Variants in PRKG1 observed in about 807,000 individuals in gnomAD.
The protein encoded by PRKG1 is protein kinase cGMP-dependent 1.
PRKG1 carries 35 observed loss-of-function variants against 88.1 expected under a neutral mutation model. The observed-to-expected ratio is 0.40, with a 90% CI of 0.30 to 0.53. The LOEUF (loss-of-function observed/expected upper bound fraction) is 0.53. Ranked by LOEUF, PRKG1 falls within the 20% of genes least tolerant of loss-of-function variation. PRKG1 has a pLI of 0.59. For synonymous variants in PRKG1, 303 were observed against 292.5 expected, an observed-to-expected ratio of 1.04 and a Z score of -0.37; for missense variants, 540 against 839.8, an observed-to-expected ratio of 0.64 and a Z score of 4.41.
chr10:51,467,120 C>T (rs912658185), intron 2 of PRKG1, among the ~76,000 whole-genome samples: 2 of 151,956 alleles, frequency 1.3e-5, no homozygotes, highest in Non-Finnish European at 2.9e-5. Flanking sequence ...TTTCCAAGTC[C>T]TTTATCAAAC....
intron 3 of PRKG1, among the ~76,000 whole-genome samples, chr10:51,558,492 G>T (rs1339052324): frequency 6.6e-6 from 1 of 152,072 alleles, no homozygotes; most frequent in African/African-American, 2.4e-5. Context: ...CAATAGAAGT[G>T]TTCTTGCCGG....
intron 3 of PRKG1, among the ~76,000 whole-genome samples, chr10:51,681,126 G>T (rs1840839874): frequency 2.0e-5 from 3 of 152,098 alleles, no homozygotes; most frequent in South Asian, 4.1e-4. Context: ...AAGATAACTT[G>T]TGTCCTTTTT....
At chr10:52,257,413 G>A (rs1053358942) in intron 10 of PRKG1, among the ~76,000 whole-genome samples, 3 of 140,070 alleles carry the variant, frequency 2.1e-5, no homozygotes, top group African/African-American at 7.4e-5. Flanking sequence ...GTCTTATTGC[G>A]AAAGGTGAGC....
chr10:52,109,850 T>C (rs2132586280), intron 7 of PRKG1, among the ~76,000 whole-genome samples: 1 of 152,078 alleles, frequency 6.6e-6, no homozygotes, highest in Admixed American at 6.5e-5. Context: ...ATAGGTCATA[T>C]ATAGCAGTGT....
chr10:51,376,318 A>G (rs1244152744), intron 2 of PRKG1, among the ~76,000 whole-genome samples: 2 of 152,194 alleles, frequency 1.3e-5, no homozygotes, highest in East Asian at 3.8e-4. Context: ...TCCAATCACA[A>G]TACAGTTGTG....
intron 3 of PRKG1, among the ~76,000 whole-genome samples, chr10:51,767,420 G>A (rs1454231041): frequency 6.6e-6 from 1 of 152,104 alleles, no homozygotes; most frequent in Non-Finnish European, 1.5e-5. Context: ...AGAATTTATA[G>A]ATAAAGGCTA....
At chr10:51,386,825 C>G (rs1002877053) in intron 2 of PRKG1, among the ~76,000 whole-genome samples, 2 of 151,086 alleles carry the variant, frequency 1.3e-5, no homozygotes, top group Admixed American at 6.6e-5. Context: ...TCAGTAAGAA[C>G]CACAAAGTCT....
intron 3 of PRKG1, among the ~76,000 whole-genome samples, chr10:51,566,956 A>G (rs1837622497): frequency 1.3e-5 from 2 of 151,922 alleles, no homozygotes; most frequent in Non-Finnish European, 2.9e-5. Flanking sequence ...GAGAAAGAAA[A>G]AACAAGGTAG....
At chr10:51,199,841 G>C (rs1464830340) in intron 2 of PRKG1, among the ~76,000 whole-genome samples, 1 of 152,138 alleles carries the variant, frequency 6.6e-6, no homozygotes. Flanking sequence ...CACATCCTGG[G>C]TTACAGTGCT....
chr10:52,038,815 G>C (rs1478391806), intron 5 of PRKG1, among the ~76,000 whole-genome samples: 1 of 152,144 alleles, frequency 6.6e-6, no homozygotes, highest in Admixed American at 6.5e-5. Context: ...GGAGTTTTGG[G>C]TCCACGGATA....
intron 3 of PRKG1, among the ~76,000 whole-genome samples, chr10:51,703,746 A>G (rs551867927): frequency 1.7e-4 from 26 of 152,298 alleles, no homozygotes; most frequent in Admixed American, 5.2e-4. Context: ...TTGGGGCCCT[A>G]CTCCAAATCT....
At chr10:52,125,840 G>A (rs1476342902) in intron 7 of PRKG1, 1 of 152,010 alleles carries the variant, frequency 6.6e-6, no homozygotes, top group East Asian at 1.9e-4. Flanking sequence ...AGCACTTTAA[G>A]GCTTTTCTTT....
At chr10:52,107,936 A>T (rs1388950387) in intron 7 of PRKG1, among the ~76,000 whole-genome samples, 3 of 152,224 alleles carry the variant, frequency 2.0e-5, no homozygotes, top group Non-Finnish European at 4.4e-5. Context: ...ACATGGTAAA[A>T]TGTGTCATGA....
chr10:51,068,443 T>A (rs1297252435), intron 1 of PRKG1: 1 of 152,048 alleles, frequency 6.6e-6, no homozygotes, highest in African/African-American at 2.4e-5. Flanking sequence ...TCACCCAAAT[T>A]TCTATTTCAT....
intron 5 of PRKG1, among the ~76,000 whole-genome samples, chr10:52,013,221 A>T (rs1844942796): frequency 6.6e-6 from 1 of 152,116 alleles, no homozygotes; most frequent in Non-Finnish European, 1.5e-5. Flanking sequence ...GATCGTGTCC[A>T]TCCTGGCTAA....
intron 3 of PRKG1, among the ~76,000 whole-genome samples, chr10:51,525,854 C>A (rs1290441287): frequency 2.0e-5 from 3 of 148,862 alleles, no homozygotes; most frequent in Non-Finnish European, 3.0e-5. Context: ...GAGATGCAGT[C>A]TCATTCTGTC....
chr10:52,023,104 T>C (rs1478077621), intron 5 of PRKG1, among the ~76,000 whole-genome samples: 4 of 152,136 alleles, frequency 2.6e-5, no homozygotes, highest in Non-Finnish European at 5.9e-5. Context: ...GTGTGATGTT[T>C]CCTTTCCTGT....
At chr10:51,499,534 C>G (rs72795135) in intron 3 of PRKG1, among the ~76,000 whole-genome samples, 6,596 of 152,138 alleles carry the variant, frequency 0.043, 174 homozygotes, top group Middle Eastern at 0.078. Context: ...ACATGGGAGC[C>G]AAATTCACTT....
intron 1 of PRKG1, among the ~76,000 whole-genome samples, chr10:51,035,532 T>G (rs1005888348): frequency 6.6e-6 from 1 of 152,170 alleles, no homozygotes; most frequent in Non-Finnish European, 1.5e-5. Flanking sequence ...TGGCAGGTAT[T>G]TCCTGCATGC....
Sources: gnomAD v4.1 joint callset for allele counts (sites outside exome capture counted in the v4.1 genomes callset) on GRCh38, gnomAD v4.1.1 for gene constraint, MANE v1.5 for transcripts, NCBI Gene and HGNC (gene_info 2026-07-23, HGNC 2026-07-21) for gene names.